Variants in DCST2 observed in about 807,000 individuals in gnomAD.
DCST2 encodes DC-STAMP domain-containing protein 2.
Under a neutral mutation model 81.8 loss-of-function variants are expected in DCST2, and 64 were observed. The ratio of observed to expected loss-of-function variants is 0.78; its 90% confidence interval spans 0.64 to 0.96. The LOEUF (loss-of-function observed/expected upper bound fraction) is 0.96, where lower values mean the gene tolerates loss of function less well. DCST2 is among the 40% of genes least tolerant of loss of function. DCST2 has a pLI of 0.00. For synonymous variants in DCST2, 354 were observed against 402.6 expected (o/e 0.88, Z 1.44); for missense variants, 945 against 1,001.4 (o/e 0.94, Z 0.76).
chr1:155,031,524 A>AACCCC, intron 4 of DCST2, 50 bp downstream of exon 4: 1 of 481,162 alleles, frequency 2.1e-6, no homozygotes, highest in Non-Finnish European at 3.6e-6. Flanking sequence ...TTCCCACCCC[A>AACCCC]CCCCACCCCA....
At chr1:155,026,989 G>A (rs1349221039) in intron 8 of DCST2, among the ~76,000 whole-genome samples, 1 of 151,960 alleles carries the variant, frequency 6.6e-6, no homozygotes, top group Non-Finnish European at 1.5e-5. Context: ...TGGTCAGTGA[G>A]TCCACCCCCC....
chr1:155,023,853 A>T lies in DCST2; in HGVS notation c.1849T>A (p.Cys617Ser), dbSNP rs767330225. Residue 617 changes from cysteine to serine, a missense_variant, in exon 12 of 15, where the codon TGC (cysteine) becomes AGC (serine). By Grantham distance (112) the Cys-to-Ser change is moderately radical. Coordinates refer to ENST00000368424, the MANE Select transcript of DCST2 (RefSeq NM_144622.3). ...TCACCTTGGCAGCCGGGGGTACTGC[A>T]GGACACAGTGTTCTCCATGTCTCCC... Reference protein sequence around the residue: ...DEGDMENTVSCSTPGCQGLYC... With the variant: ...DEGDMENTVSSSTPGCQGLYC... 7 of 1,613,756 alleles carry T rather than the reference A, an allele frequency of 4.3e-6. No individual in the cohort carries two copies. The Admixed American group carries it at 1.2e-4, about 27-fold the overall frequency.
At chr1:155,027,036 T>C (rs1659930889) in intron 8 of DCST2, among the ~76,000 whole-genome samples, 1 of 152,016 alleles carries the variant, frequency 6.6e-6, no homozygotes, top group African/African-American at 2.4e-5. Context: ...TATTTTTTTT[T>C]TTAATTTATT....
intron 5 of DCST2, 106 bp downstream of exon 5, chr1:155,031,063 A>G (rs758833910): frequency 7.9e-5 from 97 of 1,229,994 alleles, no homozygotes; most frequent in Non-Finnish European, 1.1e-4. Flanking sequence ...TTTCTCTTAC[A>G]TTCTCCTTTA....
intron 3 of DCST2, 139 bp from the exon 4 acceptor site, chr1:155,031,910 T>A: frequency 1.1e-6 from 1 of 880,434 alleles, no homozygotes; most frequent in Non-Finnish European, 1.7e-6. Flanking sequence ...CAGTGAACAC[T>A]AGCCAGCGCC....
Position 155,033,095 on chromosome 1 carries a change from G to A in DCST2, c.438C>T (p.Val146=). ...EVLQRAKQPL[V]SALNKIKAIA... ...CAGTGGTAGAGGTGGGGGACTTACTGACAAGAGGTTGCTTGGCCCTCTGTA... is the reference window on the plus strand; with the variant it reads ...CAGTGGTAGAGGTGGGGGACTTACTAACAAGAGGTTGCTTGGCCCTCTGTA... The change falls in exon 2 of 15, where the codon GTC becomes GTT. Residue 146 remains valine (V), a splice_region_variant and synonymous_variant. Coordinates refer to ENST00000368424, the MANE Select transcript of DCST2 (RefSeq NM_144622.3). The A allele has an allele frequency of 6.4e-7, 1 of 1,567,656 alleles. No individual in the cohort carries two copies. Among genetic ancestry groups the A allele is most frequent in the East Asian group, 2.3e-5 (1 of 43,804 alleles).
rs1042618523 is a variant in DCST2, at chr1:155,031,225, A to T, written c.749T>A (p.Val250Glu). The change falls in exon 5 of 15, where the codon GTG becomes GAG. Residue 250 changes from valine (V) to glutamate (E), a missense_variant. Val to Glu is a moderately radical substitution (Grantham distance 121). Coordinates refer to ENST00000368424, the MANE Select transcript of DCST2 (RefSeq NM_144622.3). ...ALCGLASLVQ[V>E]FCVIPKYIQP... Reference sequence around the variant, plus strand: ...AATGTACTTAGGGATGACGCAGAACACCTGGACCACTGAGGGGCGGAGTCG... The same window carrying T: ...AATGTACTTAGGGATGACGCAGAACTCCTGGACCACTGAGGGGCGGAGTCG... 6.3e-7 allele frequency: 1 copy of T among 1,581,854 alleles called. No individual in the cohort carries two copies. The highest frequency in any genetic ancestry group is 2.2e-5 in the East Asian group (1 of 44,454).
At chr1:155,033,057 G>C (rs1660148563) in intron 2 of DCST2, 37 bp downstream of exon 2, 3 of 1,503,482 alleles carry the variant, frequency 2.0e-6, no homozygotes, top group Middle Eastern at 1.8e-4. Flanking sequence ...GGGCGAGGGG[G>C]GCCCGTGGGA....
chr1:155,031,532 C>CCCCAA, intron 4 of DCST2, 42 bp downstream of exon 4: 1 of 1,545,066 alleles, frequency 6.5e-7, no homozygotes, highest in South Asian at 1.1e-5. Context: ...CCACCCCACC[C>CCCCAA]CACATCGGCT....
chr1:155,024,135 C>A (rs1489567512), intron 11 of DCST2, among the ~76,000 whole-genome samples, 176 bp from the exon 12 acceptor site: 2 of 152,164 alleles, frequency 1.3e-5, no homozygotes, highest in Admixed American at 6.5e-5. Context: ...TCCCTTCACT[C>A]CTCACCCCTA....
In DCST2 at chr1:155,026,298, T is replaced by C; in HGVS notation, c.1611+4A>G. 1.9e-6 allele frequency: 3 copies of C among 1,613,542 alleles called. No homozygotes were observed. Among genetic ancestry groups the C allele is most frequent in the Non-Finnish European group, 2.5e-6 (3 of 1,179,948 alleles). ...GGACTAGCTCCCAGCCCCGGACCCC[T>C]CACCTGCTCCCGGGATGGGTAGTAG... On this transcript the variant is annotated splice_donor_region_variant and intron_variant, in intron 10 of 14. Transcript: ENST00000368424.
intron 4 of DCST2, 57 bp downstream of exon 4, chr1:155,031,517 C>G: frequency 1.7e-6 from 1 of 581,286 alleles, no homozygotes; most frequent in Non-Finnish European, 3.3e-6. Context: ...CCCCACATTC[C>G]CACCCCACCC....
At chr1:155,029,540 G>A (rs1477063783) in intron 7 of DCST2, 143 bp from the exon 8 acceptor site, 1 of 842,862 alleles carries the variant, frequency 1.2e-6, no homozygotes, top group African/African-American at 1.7e-5. Flanking sequence ...AAGCTGTGAG[G>A]ACTCTGGCAA....
chr1:155,026,874 G>A, intron 8 of DCST2, 159 bp from the exon 9 acceptor site: 3 of 810,028 alleles, frequency 3.7e-6, no homozygotes, highest in Non-Finnish European at 5.8e-6. Flanking sequence ...TGGTGCCCTG[G>A]GGCCTGACCT....
intron 8 of DCST2, 112 bp downstream of exon 8, chr1:155,029,121 C>G (rs1397452231): frequency 7.6e-7 from 1 of 1,321,158 alleles, no homozygotes; most frequent in South Asian, 1.4e-5. Flanking sequence ...CAGGCAGTCA[C>G]CAGGACTGAG....
chr1:155,031,898 T>A (rs1268950160), intron 3 of DCST2, 127 bp from the exon 4 acceptor site: 3 of 990,434 alleles, frequency 3.0e-6, no homozygotes, highest in Non-Finnish European at 4.5e-6. Flanking sequence ...CTGTGCTGTG[T>A]CCAGTGAACA....
rs565548701 is a variant in DCST2, at chr1:155,030,439, A to G, written c.1012T>C (p.Tyr338His). ...TGCCCGGCAGCCCCTCACTGGAGGTAGAGAAGCACAAGCAGCAGAGGCGTG... is the reference window on the plus strand; with the variant it reads ...TGCCCGGCAGCCCCTCACTGGAGGTGGAGAAGCACAAGCAGCAGAGGCGTG... ...FTTPLLLVLL[Y>H]LQALFYRYCY... The change falls in exon 6 of 15, where the codon TAC (tyrosine) becomes CAC (histidine). Residue 338 changes from tyrosine (Y) to histidine (H), a missense_variant. Physicochemically the swap from Tyr to His is moderately conservative, Grantham distance 83. Transcript: ENST00000368424. The G allele has an allele frequency of 5.0e-6, 8 of 1,613,364 alleles. No homozygotes were observed. The highest frequency in any genetic ancestry group is 2.2e-5 in the East Asian group (1 of 44,836).
intron 11 of DCST2, among the ~76,000 whole-genome samples, chr1:155,024,212 A>G (rs978578369): frequency 6.6e-6 from 1 of 152,178 alleles, no homozygotes; most frequent in African/African-American, 2.4e-5. Context: ...TGATGAGTTA[A>G]TGGGTGCAGC....
rs779766461 is a variant in DCST2, at chr1:155,031,730, C to T, written c.583G>A (p.Gly195Ser). ...RNVWQWLLHI[G>S]DVCNSELGNP... ...CCCAGTTCCGAGTTGCACACATCGC[C>T]GATGTGCAGGAGCCACTGCCACACA... Residue 195 changes from glycine (G) to serine (S), a missense_variant, in exon 4 of 15, where the codon GGC becomes AGC. Physicochemically the swap from Gly to Ser is moderately conservative, Grantham distance 56. Transcript: ENST00000368424. 28 of 1,613,794 alleles carry T rather than the reference C, an allele frequency of 1.7e-5. No individual in the cohort carries two copies. The highest frequency in any genetic ancestry group is 6.7e-5 in the Admixed American group (4 of 60,006).
Sources: gnomAD v4.1 joint callset for allele counts (sites outside exome capture counted in the v4.1 genomes callset) on GRCh38, gnomAD v4.1.1 for gene constraint, MANE v1.5 for transcripts, NCBI Gene and HGNC (gene_info 2026-07-23, HGNC 2026-07-21) for gene names.